ATP6V1H: variants seen among roughly 807,000 people sequenced by gnomAD.
ATP6V1H encodes ATPase H+ transporting V1 subunit H, also known as V-type proton ATPase subunit H.
A neutral mutation model predicts 71.7 loss-of-function variants in ATP6V1H; 39 were observed. The ratio of observed to expected loss-of-function variants is 0.54; its 90% CI spans 0.42 to 0.71. The LOEUF is 0.71. Among genes scored for constraint, ATP6V1H ranks in the 30% least tolerant of loss-of-function variants. ATP6V1H has a pLI of 0.00. For synonymous variants in ATP6V1H, 192 were observed against 199.3 expected, an observed-to-expected ratio of 0.96 and a Z score of 0.31; for missense variants, 509 against 594.9, an observed-to-expected ratio of 0.86 and a Z score of 1.50.
intron 8 of ATP6V1H, among the ~76,000 whole-genome samples, chr8:53,796,941 T>C (rs1220464850): frequency 2.0e-5 from 3 of 152,274 alleles, no homozygotes; most frequent in African/African-American, 7.2e-5. Context: ...GATTTGTATA[T>C]AGTTCAGTTC....
intron 9 of ATP6V1H, among the ~76,000 whole-genome samples, chr8:53,790,832 G>T (rs1253163128): frequency 6.6e-6 from 1 of 152,200 alleles, no homozygotes; most frequent in Non-Finnish European, 1.5e-5. Flanking sequence ...AAGGAACAGA[G>T]ATTATAAACT....
intron 11 of ATP6V1H, among the ~76,000 whole-genome samples, chr8:53,764,329 C>A (rs1488413224): frequency 6.6e-6 from 1 of 152,148 alleles, no homozygotes; most frequent in Non-Finnish European, 1.5e-5. Flanking sequence ...GAATTATAAA[C>A]TATGACCAAA....
At chr8:53,735,523 GCTC>G (rs1807172798) in intron 13 of ATP6V1H, among the ~76,000 whole-genome samples, 1 of 152,128 alleles carries the variant, frequency 6.6e-6, no homozygotes, top group Non-Finnish European at 1.5e-5. Context: ...TTTTGCCTAT[GCTC>G]CTCCTCCAAG....
At chr8:53,725,076 C>T (rs1382348321) in intron 13 of ATP6V1H, among the ~76,000 whole-genome samples, 2 of 152,162 alleles carry the variant, frequency 1.3e-5, no homozygotes, top group African/African-American at 2.4e-5. Flanking sequence ...CCCCTTCAAA[C>T]CTCATGTTGA....
intron 11 of ATP6V1H, among the ~76,000 whole-genome samples, chr8:53,769,300 A>G (rs1010850078): frequency 6.6e-6 from 1 of 152,126 alleles, no homozygotes; most frequent in African/African-American, 2.4e-5. Context: ...TCAAGACACC[A>G]TTAAAAAGTA....
At chr8:53,772,903 CAAAA>C (rs201949406) in intron 9 of ATP6V1H, among the ~76,000 whole-genome samples, 12 of 59,412 alleles carry the variant, frequency 2.0e-4, no homozygotes, top group East Asian at 6.4e-4. Context: ...CTATCAAATG[CAAAA>C]AAAAAAAAAA....
chr8:53,812,898 T>C (rs1810326511), intron 6 of ATP6V1H, among the ~76,000 whole-genome samples: 2 of 152,142 alleles, frequency 1.3e-5, no homozygotes, highest in Non-Finnish European at 1.5e-5. Flanking sequence ...TTTTGCTATG[T>C]TGCCCAGGCT....
intron 9 of ATP6V1H, among the ~76,000 whole-genome samples, chr8:53,790,656 A>G (rs1809537638): frequency 6.6e-6 from 1 of 152,224 alleles, no homozygotes. Flanking sequence ...CCTGACTGCC[A>G]CTGCACATGC....
At chr8:53,774,383 CAG>C (rs1289486210) in intron 9 of ATP6V1H, among the ~76,000 whole-genome samples, 2 of 152,162 alleles carry the variant, frequency 1.3e-5, no homozygotes, top group African/African-American at 4.8e-5. Context: ...GTATTCATTT[CAG>C]AGAGAGAGGA....
chr8:53,737,522 A>G (rs1024597689), intron 13 of ATP6V1H, among the ~76,000 whole-genome samples: 4 of 152,236 alleles, frequency 2.6e-5, no homozygotes, highest in African/African-American at 4.8e-5. Context: ...CTAAATGCCT[A>G]ACCCTTAAGG....
intron 12 of ATP6V1H, among the ~76,000 whole-genome samples, chr8:53,755,514 T>C (rs141183462): frequency 1.2e-5 from 1 of 86,658 alleles, no homozygotes; most frequent in Non-Finnish European, 2.3e-5. Context: ...GGGGTGGGGG[T>C]GGGAGTGGCG....
intron 10 of ATP6V1H, among the ~76,000 whole-genome samples, chr8:53,771,494 G>C (rs1051651605): frequency 3.9e-5 from 6 of 152,252 alleles, no homozygotes; most frequent in African/African-American, 1.4e-4. Context: ...GGGAGAGTGA[G>C]GCGAGGCAGT....
At chr8:53,811,654 C>T (rs931850110) in intron 6 of ATP6V1H, among the ~76,000 whole-genome samples, 1 of 152,138 alleles carries the variant, frequency 6.6e-6, no homozygotes, top group Non-Finnish European at 1.5e-5. Context: ...TGGTTATCCA[C>T]AGCAAAGCTA....
chr8:53,778,752 T>TA (rs1231512016), intron 9 of ATP6V1H, among the ~76,000 whole-genome samples: 12 of 152,138 alleles, frequency 7.9e-5, no homozygotes, highest in Non-Finnish European at 1.5e-4. Flanking sequence ...GCCAGTGAAC[T>TA]AGATACTCCA....
intron 3 of ATP6V1H, among the ~76,000 whole-genome samples, chr8:53,830,541 T>G (rs1810972050): frequency 6.6e-6 from 1 of 152,056 alleles, no homozygotes; most frequent in Middle Eastern, 3.2e-3. Flanking sequence ...CACTTTAACC[T>G]ATTTAAGCAA....
intron 3 of ATP6V1H, among the ~76,000 whole-genome samples, chr8:53,830,910 G>A (rs914008235): frequency 3.3e-5 from 5 of 152,070 alleles, no homozygotes; most frequent in Admixed American, 2.6e-4. Context: ...CGGTTGGGGT[G>A]GGGAAGCTTT....
chr8:53,746,075 T>C (rs1054402135), intron 12 of ATP6V1H, among the ~76,000 whole-genome samples: 2 of 152,178 alleles, frequency 1.3e-5, no homozygotes, highest in Admixed American at 6.5e-5. Context: ...TACAGTAATA[T>C]CAAATGTGAG....
chr8:53,818,609 T>A (rs1278045919), intron 4 of ATP6V1H, among the ~76,000 whole-genome samples: 1 of 152,200 alleles, frequency 6.6e-6, no homozygotes, highest in African/African-American at 2.4e-5. Flanking sequence ...GGTAGAGGTA[T>A]CCAGGTTACA....
intron 9 of ATP6V1H, among the ~76,000 whole-genome samples, chr8:53,778,457 C>T (rs1289449402): frequency 3.3e-5 from 5 of 152,060 alleles, no homozygotes; most frequent in African/African-American, 4.8e-5. Flanking sequence ...TATTTTTGTA[C>T]CCATTAACCA....
Sources: allele counts gnomAD v4.1 joint callset (sites outside exome capture counted in the v4.1 genomes callset), GRCh38; gene constraint gnomAD v4.1.1; transcripts MANE v1.5; gene names NCBI Gene and HGNC (gene_info 2026-07-23, HGNC 2026-07-21).